The following NLGN4X variants were observed in gnomAD, a reference collection of about 807,000 sequenced individuals.
The protein encoded by NLGN4X is neuroligin-4, X-linked.
In NLGN4X, 3 loss-of-function variants were observed where a neutral mutation model predicts 40.3. The observed-to-expected ratio is 0.07, with a 90% CI of 0.03 to 0.19. NLGN4X has a LOEUF of 0.19. Ranked by LOEUF, NLGN4X falls within the 10% of genes least tolerant of loss-of-function variation. The pLI is 1.00. For synonymous variants in NLGN4X, 270 were observed against 306.8 expected (o/e 0.88, Z 1.25); for missense variants, 382 against 708.3 (o/e 0.54, Z 5.23).
chrX:6,072,062 A>G (rs923567258), intron 2 of NLGN4X, among the ~76,000 whole-genome samples: 17 of 110,281 alleles, frequency 1.5e-4, no homozygotes, highest in Non-Finnish European at 3.8e-5. Flanking sequence ...GCTGTGGTCC[A>G]AGCAGGGCAT....
chrX:5,891,253 T>C lies in NLGN4X; in HGVS notation c.*1564A>G. 1 of 238,825 alleles carries C rather than the reference T, an allele frequency of 4.2e-6. No homozygotes were observed. The allele number at this position is 238,825 out of a possible 1,213,427, so 19.7% of individuals were successfully genotyped here. ...ATTCAATGTCTTCTCAGTGAAGTTA[T>C]CCTAATTTCCCAGAAAACCCATGCA... On this transcript the variant is annotated 3_prime_UTR_variant, in exon 6 of 6. Transcript: ENST00000381095.
intron 2 of NLGN4X, among the ~76,000 whole-genome samples, chrX:6,115,439 T>C (rs2147547709): frequency 9.0e-6 from 1 of 111,615 alleles, no homozygotes; most frequent in East Asian, 2.8e-4. Flanking sequence ...TTGTAGGTAA[T>C]GGCTGGGCAA....
intron 1 of NLGN4X, among the ~76,000 whole-genome samples, chrX:6,188,928 G>C (rs764235094): frequency 5.3e-5 from 6 of 112,353 alleles, no homozygotes; most frequent in Non-Finnish European, 7.5e-5. Context: ...TCAGTCAACT[G>C]TATGTAGAAA....
At chrX:6,151,831 T>C (rs1295664144) in intron 1 of NLGN4X, 60 bp from the exon 2 acceptor site, 3 of 252,800 alleles carry the variant, frequency 1.2e-5, no homozygotes, top group Middle Eastern at 1.2e-3. Flanking sequence ...CCTAGAACAC[T>C]GGCTGGCTCT....
intron 2 of NLGN4X, among the ~76,000 whole-genome samples, chrX:6,144,583 G>A (rs748429979): frequency 7.8e-4 from 87 of 111,156 alleles, no homozygotes; most frequent in African/African-American, 2.7e-3. Context: ...TGTCTCTTCC[G>A]GCTTCTAGAG....
At chrX:6,147,827 T>C (rs1176772490) in intron 2 of NLGN4X, among the ~76,000 whole-genome samples, 1 of 111,732 alleles carries the variant, frequency 8.9e-6, no homozygotes, top group Non-Finnish European at 1.9e-5. Context: ...AGGTTAAATA[T>C]GCAATTCAAG....
At chrX:6,119,608 T>C (rs751527013) in intron 2 of NLGN4X, among the ~76,000 whole-genome samples, 7 of 111,090 alleles carry the variant, frequency 6.3e-5, no homozygotes, top group East Asian at 5.7e-4. Flanking sequence ...AGTGTGACTA[T>C]GGCAAAGTGA....
chrX:6,025,860 T>C (rs1371757383), intron 3 of NLGN4X, among the ~76,000 whole-genome samples: 1 of 104,435 alleles, frequency 9.6e-6, no homozygotes, highest in East Asian at 3.0e-4. Context: ...GCCGAGATCA[T>C]GCCACTGCCC....
intron 1 of NLGN4X, among the ~76,000 whole-genome samples, chrX:6,170,700 T>C (rs1379446354): frequency 1.8e-5 from 2 of 112,555 alleles, no homozygotes; most frequent in African/African-American, 3.2e-5. Flanking sequence ...TCTTAGCTTC[T>C]CCTCTCCAAA....
Position 5,890,972 on chromosome X carries a change from G to C in NLGN4X, c.*1845C>G. ...TTTTATGGGGAATGTCCACTTTAGC[G>C]GAGAGATTTAAGACTGGATTTCTAG... On this transcript the variant is annotated 3_prime_UTR_variant, in exon 6 of 6. Coordinates refer to ENST00000381095, the MANE Select transcript of NLGN4X (RefSeq NM_181332.3). 3.2e-6 allele frequency: 1 copy of C among 309,743 alleles called. No individual in the cohort carries two copies. Among genetic ancestry groups the C allele is most frequent in the South Asian group, 3.0e-5 (1 of 33,714 alleles). The allele number at this position is 309,743 out of a possible 1,213,427, so 25.5% of individuals were successfully genotyped here.
intron 3 of NLGN4X, among the ~76,000 whole-genome samples, chrX:5,960,962 T>C (rs2146977780): frequency 8.9e-6 from 1 of 112,003 alleles, no homozygotes; most frequent in East Asian, 2.8e-4. Flanking sequence ...TAATAATAAA[T>C]TTCAGACCTC....
At chrX:6,001,606 A>G (rs1316350654) in intron 3 of NLGN4X, among the ~76,000 whole-genome samples, 1 of 111,440 alleles carries the variant, frequency 9.0e-6, no homozygotes, top group Non-Finnish European at 1.9e-5. Context: ...TAATTTTTCA[A>G]TTTCAAAACA....
At chrX:6,177,499 A>G (rs1205685815) in intron 1 of NLGN4X, among the ~76,000 whole-genome samples, 3 of 112,007 alleles carry the variant, frequency 2.7e-5, no homozygotes, top group Non-Finnish European at 5.6e-5. Context: ...GCATTATAGT[A>G]TATCTTGACA....
At chrX:5,981,656 G>T (rs934421744) in intron 3 of NLGN4X, among the ~76,000 whole-genome samples, 1 of 110,537 alleles carries the variant, frequency 9.0e-6, no homozygotes, top group Non-Finnish European at 1.9e-5. Context: ...TTTTAATTTT[G>T]TCTTAAAATC....
At chrX:6,046,880 T>C (rs1401857872) in intron 2 of NLGN4X, among the ~76,000 whole-genome samples, 1 of 108,356 alleles carries the variant, frequency 9.2e-6, no homozygotes, top group East Asian at 2.9e-4. Flanking sequence ...TCTGTATACA[T>C]ACATATATAG....
chrX:5,961,854 A>T (rs971362359), intron 3 of NLGN4X, among the ~76,000 whole-genome samples: 5 of 112,350 alleles, frequency 4.5e-5, no homozygotes, highest in African/African-American at 1.3e-4. Flanking sequence ...ATACAACATT[A>T]AAAAATATAT....
intron 2 of NLGN4X, among the ~76,000 whole-genome samples, chrX:6,064,098 T>C (rs2037841420): frequency 8.9e-6 from 1 of 111,868 alleles, no homozygotes. Context: ...GCATGTATTC[T>C]CTGGTCTGCT....
At position 5,892,962 on chromosome X, in the gene NLGN4X, T is replaced by C; in HGVS notation, c.2306A>G (p.Asp769Gly). The C allele has an allele frequency of 8.3e-7, 1 of 1,211,544 alleles. No individual in the cohort carries two copies. The highest frequency in any genetic ancestry group is 1.1e-6 in the Non-Finnish European group (1 of 895,506). ...GTTTGGCGTCATAAGTGGGATGTCA[T>C]CTGGCGACCGGCGCAGCGTGAGGGT... is the stretch of plus-strand genomic sequence containing the variant. Reference protein sequence around the residue: ...DYTLTLRRSPDDIPLMTPNTI... With the variant: ...DYTLTLRRSPGDIPLMTPNTI... The change falls in exon 6 of 6, where the codon GAT (aspartate) becomes GGT (glycine). Residue 769 changes from aspartate to glycine, a missense_variant. By Grantham distance (94) the Asp-to-Gly change is moderately conservative. Coordinates refer to ENST00000381095, the MANE Select transcript of NLGN4X (RefSeq NM_181332.3).
At chrX:5,918,164 T>A (rs976922384) in intron 3 of NLGN4X, among the ~76,000 whole-genome samples, 1 of 110,746 alleles carries the variant, frequency 9.0e-6, no homozygotes, top group Non-Finnish European at 1.9e-5. Context: ...GTTTTTTTTT[T>A]TTTATTTACG....
Sources: gnomAD v4.1 joint callset for allele counts (sites outside exome capture counted in the v4.1 genomes callset) on GRCh38, gnomAD v4.1.1 for gene constraint, MANE v1.5 for transcripts, NCBI Gene and HGNC (gene_info 2026-07-23, HGNC 2026-07-21) for gene names.